The following TPD52L1 variants were observed in gnomAD, a reference collection of about 807,000 sequenced individuals.
TPD52L1 encodes the protein TPD52 like 1.
Under a neutral mutation model 28.7 loss-of-function variants are expected in TPD52L1, and 18 were observed. That is an observed-to-expected ratio of 0.63 (90% CI 0.43 to 0.93). TPD52L1 has a LOEUF of 0.93. Ranked by LOEUF, TPD52L1 falls within the 40% of genes least tolerant of loss-of-function variation. The pLI is 0.00. For synonymous variants in TPD52L1, 75 were observed against 88.8 expected, an observed-to-expected ratio of 0.84 and a Z score of 0.88; for missense variants, 203 against 254.8, an observed-to-expected ratio of 0.80 and a Z score of 1.39.
intron 2 of TPD52L1, among the ~76,000 whole-genome samples, chr6:125,224,982 T>C (rs1401007585): frequency 2.0e-5 from 3 of 152,212 alleles, no homozygotes; most frequent in Non-Finnish European, 4.4e-5. Context: ...AGGAAACTTG[T>C]ACTCATTAAG....
chr6:125,231,003 A>T (rs561508628), intron 3 of TPD52L1, among the ~76,000 whole-genome samples: 77 of 152,380 alleles, frequency 5.1e-4, no homozygotes, highest in African/African-American at 1.8e-3. Flanking sequence ...TTTAGGCATT[A>T]AATTAAATGA....
chr6:125,230,557 C>A (rs1156965216), intron 3 of TPD52L1, among the ~76,000 whole-genome samples: 1 of 152,084 alleles, frequency 6.6e-6, no homozygotes, highest in African/African-American at 2.4e-5. Context: ...CAATAATTGA[C>A]AGCAATTATT....
At chr6:125,156,107 C>T (rs1329398606) in intron 1 of TPD52L1, among the ~76,000 whole-genome samples, 1 of 152,048 alleles carries the variant, frequency 6.6e-6, no homozygotes, top group Non-Finnish European at 1.5e-5. Context: ...TGGATGGAAA[C>T]TTTAGGTGTA....
Position 125,220,169 on chromosome 6 carries a change from A to C in TPD52L1, c.111A>C (p.Glu37Asp). 1 of 1,613,202 alleles carries C rather than the reference A, an allele frequency of 6.2e-7. No individual in the cohort carries two copies. Among genetic ancestry groups the C allele is most frequent in the Non-Finnish European group, 8.5e-7 (1 of 1,179,212 alleles). Residue 37 changes from glutamate (E) to aspartate (D), a missense_variant, in exon 2 of 7, where the codon GAA (glutamate) becomes GAC (aspartate). Glu to Asp is a conservative substitution (Grantham distance 45, BLOSUM62 2). Coordinates refer to ENST00000534000, the MANE Select transcript of TPD52L1 (RefSeq NM_003287.4). ...GCATGCTCTCTGAGGAGGAAAAGGA[A>C]GAGTTAAAAGCAGAGTTAGTTCAGG... The part of the protein sequence containing the change: ...FSSMLSEEEK[E>D]ELKAELVQLE...
intron 1 of TPD52L1, among the ~76,000 whole-genome samples, chr6:125,160,843 G>A (rs1446110315): frequency 6.7e-6 from 1 of 149,298 alleles, no homozygotes; most frequent in Non-Finnish European, 1.5e-5. Context: ...TTATGTTACA[G>A]AGATGACTTT....
chr6:125,173,142 G>A (rs1034665162), intron 1 of TPD52L1, among the ~76,000 whole-genome samples: 1 of 152,096 alleles, frequency 6.6e-6, no homozygotes, highest in Non-Finnish European at 1.5e-5. Flanking sequence ...TGGCCTGGCT[G>A]CTGTGTGTTT....
intron 3 of TPD52L1, among the ~76,000 whole-genome samples, chr6:125,232,722 C>A (rs927244421): frequency 3.3e-5 from 5 of 151,988 alleles, no homozygotes; most frequent in African/African-American, 1.2e-4. Flanking sequence ...TTGAAATAGG[C>A]CTTGATAAGT....
intron 1 of TPD52L1, among the ~76,000 whole-genome samples, chr6:125,169,976 C>T (rs73771238): frequency 0.062 from 9,480 of 152,096 alleles, 573 homozygotes; most frequent in East Asian, 0.33. Flanking sequence ...TTATTAATCC[C>T]TCTTCTTCAA....
chr6:125,205,097 G>GTATT (rs1794034214), intron 1 of TPD52L1, among the ~76,000 whole-genome samples: 1 of 152,124 alleles, frequency 6.6e-6, no homozygotes, highest in African/African-American at 2.4e-5. Flanking sequence ...TTACCTTAAG[G>GTATT]TATTTGGTCT....
intron 2 of TPD52L1, among the ~76,000 whole-genome samples, chr6:125,221,057 TTA>T (rs1462774846): frequency 6.6e-6 from 1 of 152,190 alleles, no homozygotes; most frequent in Non-Finnish European, 1.5e-5. Flanking sequence ...GAGCTCCACC[TTA>T]CCCTCTCCCC....
intron 3 of TPD52L1, among the ~76,000 whole-genome samples, chr6:125,236,321 T>A (rs1796259213): frequency 6.6e-6 from 1 of 152,152 alleles, no homozygotes; most frequent in Non-Finnish European, 1.5e-5. Context: ...ACATAAATAA[T>A]ATTAATACCA....
intron 4 of TPD52L1, chr6:125,252,098 A>G: frequency 6.6e-7 from 1 of 1,525,676 alleles, no homozygotes; most frequent in Non-Finnish European, 8.8e-7. Flanking sequence ...TTTGCTTTCC[A>G]GGGCTCCCTG....
intron 3 of TPD52L1, among the ~76,000 whole-genome samples, chr6:125,233,918 CT>C (rs1307053574): frequency 5.9e-5 from 9 of 152,192 alleles, no homozygotes; most frequent in Non-Finnish European, 1.5e-5. Context: ...TGCAGAGACC[CT>C]TACCTCACAC....
chr6:125,163,771 CA>C (rs1303025419), intron 1 of TPD52L1, among the ~76,000 whole-genome samples: 3 of 150,258 alleles, frequency 2.0e-5, no homozygotes, highest in South Asian at 2.1e-4. Flanking sequence ...ACTAAAAATA[CA>C]AAAATTAGCT....
chr6:125,157,687 T>G (rs747325141), intron 1 of TPD52L1, among the ~76,000 whole-genome samples: 1 of 152,260 alleles, frequency 6.6e-6, no homozygotes, highest in East Asian at 1.9e-4. Context: ...TATTTTATTA[T>G]TCTAAATGGA....
chr6:125,219,962 AG>A, intron 1 of TPD52L1, 115 bp from the exon 2 acceptor site: 1 of 765,694 alleles, frequency 1.3e-6, no homozygotes, highest in East Asian at 2.5e-5. Flanking sequence ...TGGAATTTTT[AG>A]TTGTTTTTTG....
chr6:125,254,003 T>C, intron 5 of TPD52L1: 1 of 685,154 alleles, frequency 1.5e-6, no homozygotes, highest in South Asian at 1.4e-5. Flanking sequence ...CTTTTATCCA[T>C]ATATTGCAAG....
chr6:125,160,141 G>A (rs1215780500), intron 1 of TPD52L1, among the ~76,000 whole-genome samples: 1 of 151,930 alleles, frequency 6.6e-6, no homozygotes, highest in Non-Finnish European at 1.5e-5. Flanking sequence ...CCTAGTCTCG[G>A]GTATGTCTTT....
chr6:125,237,765 TC>T (rs10711516), intron 3 of TPD52L1, among the ~76,000 whole-genome samples: 22,632 of 152,150 alleles, frequency 0.15, 2,046 homozygotes, highest in East Asian at 0.31. Flanking sequence ...TGCCTCAGCC[TC>T]CCGAGTTGCT....
Sources: gnomAD v4.1 joint callset for allele counts (sites outside exome capture counted in the v4.1 genomes callset) on GRCh38, gnomAD v4.1.1 for gene constraint, MANE v1.5 for transcripts, NCBI Gene and HGNC (gene_info 2026-07-23, HGNC 2026-07-21) for gene names.